Variants in MAP7 observed in about 807,000 individuals in gnomAD.
MAP7 encodes the protein ensconsin.
In MAP7, 52 loss-of-function variants were observed where a neutral mutation model predicts 94.8. That is an observed-to-expected ratio of 0.55 (90% confidence interval 0.44 to 0.69). MAP7 has a LOEUF of 0.69. MAP7 is among the 30% of genes least tolerant of loss of function. The pLI is 0.00. For missense variants in MAP7, 940 were observed against 964.6 expected (o/e 0.97, Z 0.34); for synonymous variants, 350 against 357.0 (o/e 0.98, Z 0.22).
In MAP7 at chr6:136,453,598, C is replaced by T. The variant is rs146536034; in HGVS notation, c.68-31799G>A. The stretch of plus-strand genomic sequence containing the variant: ...AGGAGCTTTTCTCATCATTAGAATA[C>T]ATGTCAGAATAGAGACTTCCTGCAT... On this transcript the variant is annotated intron_variant, in intron 1 of 17. Transcript: ENST00000354570. Among the ~76,000 whole-genome samples, 860 of 152,252 alleles carry T rather than the reference C, an allele frequency of 5.6e-3. 16 individuals are homozygous for T. The highest frequency in any genetic ancestry group is 0.019 in the African/African-American group (799 of 41,536).
At chr6:136,424,000 A>G (rs1262666728) in intron 1 of MAP7, among the ~76,000 whole-genome samples, 1 of 151,564 alleles carries the variant, frequency 6.6e-6, no homozygotes, top group Non-Finnish European at 1.5e-5. Context: ...GTTTCTCCAT[A>G]TTTGTCAGGC....
intron 1 of MAP7, among the ~76,000 whole-genome samples, chr6:136,531,098 C>T (rs1430437975): frequency 6.9e-6 from 1 of 144,944 alleles, no homozygotes; most frequent in South Asian, 2.1e-4. Flanking sequence ...AATGGAATGC[C>T]TCTCAGCCCT....
chr6:136,388,170 G>C (rs1779690971), intron 5 of MAP7, among the ~76,000 whole-genome samples: 1 of 152,156 alleles, frequency 6.6e-6, no homozygotes, highest in Admixed American at 6.5e-5. Context: ...CTCCCTTTAA[G>C]GAATTTTGTA....
chr6:136,343,958 A>G lies in MAP7; in HGVS notation c.*270T>C, dbSNP rs1787031007. The G allele has an allele frequency of 8.2e-6, 2 of 244,930 alleles. No homozygotes were observed. Among genetic ancestry groups the G allele is most frequent in the Non-Finnish European group, 1.6e-5 (2 of 128,844 alleles). The allele number at this position is 244,930 out of a possible 1,614,324, so 15.2% of individuals were successfully genotyped here. On this transcript the variant is annotated 3_prime_UTR_variant, in exon 18 of 18. Coordinates refer to ENST00000354570, the MANE Select transcript of MAP7 (RefSeq NM_003980.6). ...TTCTCTTGTCTTTTAAAGAATGCAGAAAAATATTGATTGCTAAGAAGGAGC... is the reference window on the plus strand; with the variant it reads ...TTCTCTTGTCTTTTAAAGAATGCAGGAAAATATTGATTGCTAAGAAGGAGC...
intron 16 of MAP7, among the ~76,000 whole-genome samples, chr6:136,347,252 C>A (rs1787964032): frequency 6.6e-6 from 1 of 152,200 alleles, no homozygotes; most frequent in Non-Finnish European, 1.5e-5. Flanking sequence ...CAATGCTCAA[C>A]AAATTAACCT....
rs1345403324 is a variant in MAP7 at position 136,361,077 on chromosome 6, C to T, written c.1629G>A (p.Glu543=). 1.2e-6 allele frequency: 2 copies of T among 1,602,632 alleles called. No homozygotes were observed. Among genetic ancestry groups the T allele is most frequent in the Non-Finnish European group, 1.7e-6 (2 of 1,179,120 alleles). The change falls in exon 12 of 18, where the codon GAG becomes GAA. Residue 543 remains glutamate, a synonymous_variant. Coordinates refer to ENST00000354570, the MANE Select transcript of MAP7 (RefSeq NM_003980.6). ...RLEAEQAREK[E]EQLQRQAEER... ...CCTCCGCCTGCCGCTGCAGCTGCTCCTCCTTCTCCCGGGCCTGCTCGGCTT... is the reference window on the plus strand; with the variant it reads ...CCTCCGCCTGCCGCTGCAGCTGCTCTTCCTTCTCCCGGGCCTGCTCGGCTT...
intron 1 of MAP7, among the ~76,000 whole-genome samples, chr6:136,489,522 G>GCTTCTTTTTTTTTTTTTT (rs1562456485): frequency 8.0e-6 from 1 of 124,322 alleles, no homozygotes. Flanking sequence ...GTAACATCAG[G>GCTTCTTTTTTTTTTTTTT]TTTCTTTTTT....
At chr6:136,415,389 A>G (rs1789048838) in intron 2 of MAP7, among the ~76,000 whole-genome samples, 1 of 152,242 alleles carries the variant, frequency 6.6e-6, no homozygotes, top group African/African-American at 2.4e-5. Flanking sequence ...CAATATTTCA[A>G]TTAAGTATGT....
chr6:136,482,949 T>C (rs1813368282), intron 1 of MAP7, among the ~76,000 whole-genome samples: 1 of 151,934 alleles, frequency 6.6e-6, no homozygotes, highest in Non-Finnish European at 1.5e-5. Context: ...TTGTATGCAG[T>C]GTCTATTTGA....
intron 1 of MAP7, among the ~76,000 whole-genome samples, chr6:136,542,719 T>TA (rs71765404): frequency 0.13 from 18,583 of 145,444 alleles, 1,255 homozygotes; most frequent in South Asian, 0.16. Flanking sequence ...GTGTTAAAAT[T>TA]AAAAAAAAAA....
At chr6:136,419,067 C>G (rs1428817418) in intron 2 of MAP7, among the ~76,000 whole-genome samples, 1 of 152,050 alleles carries the variant, frequency 6.6e-6, no homozygotes, top group African/African-American at 2.4e-5. Context: ...AAGGAGATGG[C>G]CAATAAGGGT....
At chr6:136,544,240 T>C (rs1829551903) in intron 1 of MAP7, among the ~76,000 whole-genome samples, 2 of 152,184 alleles carry the variant, frequency 1.3e-5, no homozygotes, top group Non-Finnish European at 2.9e-5. Flanking sequence ...AATTTTAGAA[T>C]AGATTTTTTA....
rs112759898 is a variant in MAP7, at chr6:136,449,291, TCAAA to T, written c.68-27496_68-27493del. On this transcript the variant is annotated intron_variant, in intron 1 of 17. Transcript: ENST00000354570. ...GCCTGGGCCACAGAGCAAGACTCCT[TCAAA>T]CAAACAAACAAACAAACAAACAAAA... 3.6e-3 allele frequency among the ~76,000 whole-genome samples: 540 copies of T among 151,502 alleles called. 2 individuals carry two copies. The highest frequency in any genetic ancestry group is 6.8e-3 in the Middle Eastern group (2 of 292).
At chr6:136,483,509 AG>A (rs1316119715) in intron 1 of MAP7, among the ~76,000 whole-genome samples, 1 of 152,188 alleles carries the variant, frequency 6.6e-6, no homozygotes, top group African/African-American at 2.4e-5. Flanking sequence ...TTGATATAAA[AG>A]TATTTTACAA....
At chr6:136,408,892 C>G (rs1157706376) in intron 3 of MAP7, among the ~76,000 whole-genome samples, 2 of 151,800 alleles carry the variant, frequency 1.3e-5, no homozygotes, top group African/African-American at 4.8e-5. Context: ...AGAAATCATC[C>G]TCACGTACTC....
chr6:136,472,083 A>G (rs1346126993), intron 1 of MAP7, among the ~76,000 whole-genome samples: 1 of 152,220 alleles, frequency 6.6e-6, no homozygotes. Context: ...GCAAGAGTCA[A>G]TTGATTCTTT....
chr6:136,450,045 T>C (rs1800614220), intron 1 of MAP7, among the ~76,000 whole-genome samples: 1 of 152,008 alleles, frequency 6.6e-6, no homozygotes, highest in Non-Finnish European at 1.5e-5. Context: ...CAAAATTAGC[T>C]GAGCATGGAG....
intron 1 of MAP7, among the ~76,000 whole-genome samples, chr6:136,437,387 G>A (rs1796661574): frequency 6.6e-6 from 1 of 152,072 alleles, no homozygotes; most frequent in African/African-American, 2.4e-5. Flanking sequence ...AAATAGATTT[G>A]TTGCTATGAA....
At chr6:136,398,176 T>G (rs1783048162) in intron 3 of MAP7, among the ~76,000 whole-genome samples, 1 of 152,226 alleles carries the variant, frequency 6.6e-6, no homozygotes, top group Admixed American at 6.5e-5. Flanking sequence ...CAGGGTACTG[T>G]GGTGGATAGA....
Sources: gnomAD v4.1 joint callset for allele counts (sites outside exome capture counted in the v4.1 genomes callset) on GRCh38, gnomAD v4.1.1 for gene constraint, MANE v1.5 for transcripts, NCBI Gene and HGNC (gene_info 2026-07-23, HGNC 2026-07-21) for gene names.